The following MRPL39 variants were observed in gnomAD, a reference collection of about 807,000 sequenced individuals.
MRPL39 encodes large ribosomal subunit protein mL39.
A neutral mutation model predicts 44.5 loss-of-function variants in MRPL39; 35 were observed. The ratio of observed to expected loss-of-function variants is 0.79; its 90% confidence interval spans 0.60 to 1.04. The LOEUF is 1.04. Among genes scored for constraint, MRPL39 ranks in the 50% least tolerant of loss-of-function variants. MRPL39 has a pLI of 0.00. For synonymous variants in MRPL39, 139 were observed against 136.1 expected (o/e 1.02, Z -0.15); for missense variants, 433 against 413.5 (o/e 1.05, Z -0.41).
chr21:25,590,470 A>G (rs1200103748), intron 8 of MRPL39, among the ~76,000 whole-genome samples: 2 of 152,160 alleles, frequency 1.3e-5, no homozygotes, highest in Non-Finnish European at 2.9e-5. Flanking sequence ...CCTGGACTGC[A>G]TGCAGCCCAT....
At chr21:25,586,044 A>G (rs1158563690) in intron 9 of MRPL39, among the ~76,000 whole-genome samples, 4 of 152,250 alleles carry the variant, frequency 2.6e-5, no homozygotes, top group African/African-American at 7.2e-5. Flanking sequence ...CATTAGTGTA[A>G]GAAAAAACAC....
chr21:25,589,845 T>C (rs567139141), intron 8 of MRPL39, among the ~76,000 whole-genome samples: 1 of 152,232 alleles, frequency 6.6e-6, no homozygotes, highest in African/African-American at 2.4e-5. Flanking sequence ...CGGAATGAAC[T>C]GCTGGTGCAG....
chr21:25,601,540 A>G (rs940223361), intron 3 of MRPL39, 73 bp from the exon 4 acceptor site: 18 of 985,634 alleles, frequency 1.8e-5, no homozygotes, highest in Non-Finnish European at 2.6e-5. Flanking sequence ...ACAATATTAA[A>G]TTTTAAGTGA....
intron 4 of MRPL39, among the ~76,000 whole-genome samples, chr21:25,600,241 T>C (rs1280833922): frequency 1.3e-5 from 2 of 151,670 alleles, no homozygotes; most frequent in African/African-American, 2.4e-5. Context: ...ACCAGAAATA[T>C]AAAAATTAGC....
intron 5 of MRPL39, among the ~76,000 whole-genome samples, chr21:25,598,816 A>G (rs974986854): frequency 2.0e-5 from 3 of 150,950 alleles, no homozygotes; most frequent in African/African-American, 7.3e-5. Flanking sequence ...TTTAAGAACC[A>G]CTACAGTATT....
chr21:25,597,734 G>A lies in MRPL39; in HGVS notation c.589-320C>T, dbSNP rs2031402717. 2.0e-5 allele frequency among the ~76,000 whole-genome samples: 3 copies of A among 151,990 alleles called. No homozygotes were observed. The South Asian group carries it at 6.2e-4, about 31-fold the overall frequency. ...ACCTTAAAATGTTTATTAAAACTAT[G>A]ATGCAGCAAGTAAAAATGCCAATAA... On this transcript the variant is annotated intron_variant, in intron 5 of 9. Coordinates refer to ENST00000352957, the MANE Select transcript of MRPL39 (RefSeq NM_017446.4).
intron 5 of MRPL39, among the ~76,000 whole-genome samples, chr21:25,597,712 T>A (rs1213700236): frequency 2.0e-5 from 3 of 152,072 alleles, no homozygotes; most frequent in Non-Finnish European, 2.9e-5. Flanking sequence ...TTATACAACC[T>A]TAAAATGTTT....
chr21:25,594,783 T>C (rs1318649474), intron 6 of MRPL39, among the ~76,000 whole-genome samples: 1 of 152,082 alleles, frequency 6.6e-6, no homozygotes, highest in East Asian at 1.9e-4. Flanking sequence ...CAAGACCCAT[T>C]TGGACATCCT....
chr21:25,588,692 C>T (rs995161338), intron 9 of MRPL39, 143 bp downstream of exon 9: 7 of 709,590 alleles, frequency 9.9e-6, no homozygotes, highest in African/African-American at 8.9e-5. Context: ...AGTGAACAAT[C>T]ACAACACTGC....
At chr21:25,599,962 T>C in intron 4 of MRPL39, 96 bp from the exon 5 acceptor site, 1 of 880,412 alleles carries the variant, frequency 1.1e-6, no homozygotes, top group South Asian at 1.4e-5. Context: ...TAAAAAGGAT[T>C]AGCACTCTCT....
intron 8 of MRPL39, among the ~76,000 whole-genome samples, chr21:25,589,993 A>C (rs2031121232): frequency 6.6e-6 from 1 of 152,222 alleles, no homozygotes; most frequent in African/African-American, 2.4e-5. Flanking sequence ...AAGGGAAGCC[A>C]TTGGAAAGTT....
intron 2 of MRPL39, 141 bp from the exon 3 acceptor site, chr21:25,604,076 C>A: frequency 1.1e-5 from 8 of 711,014 alleles, no homozygotes; most frequent in Admixed American, 3.8e-5. Context: ...TATATTACGT[C>A]TATAATCAAT....
rs747632478 is a variant in MRPL39, at chr21:25,585,768, A to G, written c.970-14T>C. ...ATCTTCAGTTACCTGTAAAAACATG[A>G]ATAGCTTTACTTTCCTAATAAACAC... On this transcript the variant is annotated splice_polypyrimidine_tract_variant and intron_variant, in intron 9 of 9. Transcript: ENST00000352957. 1.9e-6 allele frequency: 3 copies of G among 1,575,364 alleles called. No homozygotes were observed. The highest frequency in any genetic ancestry group is 2.6e-6 in the Non-Finnish European group (3 of 1,152,228).
chr21:25,604,629 C>T (rs182032470), intron 2 of MRPL39, among the ~76,000 whole-genome samples: 5 of 152,304 alleles, frequency 3.3e-5, no homozygotes, highest in Admixed American at 1.3e-4. Context: ...AGCCAATCAG[C>T]TCTGGTCTGT....
At chr21:25,592,423 G>T (rs1452973129) in intron 8 of MRPL39, among the ~76,000 whole-genome samples, 1 of 152,104 alleles carries the variant, frequency 6.6e-6, no homozygotes, top group Admixed American at 6.5e-5. Context: ...CAAGGGGTGG[G>T]AGCAATGTGG....
Position 25,588,898 on chromosome 21 carries a change from T to C in MRPL39, c.922-16A>G. The C allele has an allele frequency of 6.2e-7, 1 of 1,608,378 alleles. No individual in the cohort carries two copies. Among genetic ancestry groups the C allele is most frequent in the East Asian group, 2.2e-5 (1 of 44,696 alleles). On this transcript the variant is annotated splice_polypyrimidine_tract_variant and intron_variant, in intron 8 of 9. Transcript: ENST00000352957. Reference sequence around the variant, plus strand: ...TAAAATGTGCCTTGAAAAGAAAAGATTTGCGATGAACTAAATGAAGCAGTA... The same window carrying C: ...TAAAATGTGCCTTGAAAAGAAAAGACTTGCGATGAACTAAATGAAGCAGTA...
At chr21:25,602,645 A>G (rs990433183) in intron 3 of MRPL39, among the ~76,000 whole-genome samples, 6 of 152,234 alleles carry the variant, frequency 3.9e-5, no homozygotes, top group Non-Finnish European at 8.8e-5. Context: ...TTAAAATATC[A>G]TATCTAGAGA....
intron 5 of MRPL39, among the ~76,000 whole-genome samples, chr21:25,598,713 C>T (rs1025321078): frequency 6.6e-6 from 1 of 151,892 alleles, no homozygotes; most frequent in Non-Finnish European, 1.5e-5. Flanking sequence ...TTCTCTCCCT[C>T]TCAATATTAT....
chr21:25,602,945 TC>T (rs1568866000), intron 3 of MRPL39, among the ~76,000 whole-genome samples: 1 of 152,124 alleles, frequency 6.6e-6, no homozygotes, highest in African/African-American at 2.4e-5. Flanking sequence ...TGGGGCGGTT[TC>T]CCCCAGGCTG....
Sources: allele counts gnomAD v4.1 joint callset (sites outside exome capture counted in the v4.1 genomes callset), GRCh38; gene constraint gnomAD v4.1.1; transcripts MANE v1.5; gene names NCBI Gene and HGNC (gene_info 2026-07-23, HGNC 2026-07-21).